Variants in GRM1 observed in about 807,000 individuals in gnomAD.
GRM1 encodes metabotropic glutamate receptor 1.
In GRM1, 33 loss-of-function variants were observed where a neutral mutation model predicts 90.9. That is an observed-to-expected ratio of 0.36 (90% CI 0.28 to 0.49). GRM1 has a LOEUF of 0.49. GRM1 is among the 20% of genes least tolerant of loss of function. The probability of loss-of-function intolerance (pLI) is 0.99; values close to 1 mark genes in which losing one functional copy is unlikely to be tolerated. For missense variants in GRM1, 1,190 were observed against 1,534.3 expected (o/e 0.78, Z 3.75); for synonymous variants, 700 against 613.2 (o/e 1.14, Z -2.09).
At chr6:146,210,186 T>C (rs1025113196) in intron 2 of GRM1, among the ~76,000 whole-genome samples, 1 of 152,156 alleles carries the variant, frequency 6.6e-6, no homozygotes, top group African/African-American at 2.4e-5. Context: ...TTGAGAAGCA[T>C]GGCCTTGAGG....
At chr6:146,147,137 T>C (rs1330691957) in intron 1 of GRM1, among the ~76,000 whole-genome samples, 2 of 152,208 alleles carry the variant, frequency 1.3e-5, no homozygotes, top group African/African-American at 4.8e-5. Flanking sequence ...TCTGGGCAGG[T>C]AGGTGTTTTT....
At chr6:146,238,430 G>T (rs1221582955) in intron 2 of GRM1, among the ~76,000 whole-genome samples, 1 of 152,126 alleles carries the variant, frequency 6.6e-6, no homozygotes, top group Non-Finnish European at 1.5e-5. Flanking sequence ...GGTAGTAGAG[G>T]AGCTGCCTCC....
intron 2 of GRM1, among the ~76,000 whole-genome samples, chr6:146,172,992 G>A (rs1039950724): frequency 6.6e-6 from 1 of 152,134 alleles, no homozygotes. Context: ...CTCTGACCCA[G>A]GAGAGTGAGC....
At chr6:146,240,875 C>G (rs546988373) in intron 2 of GRM1, among the ~76,000 whole-genome samples, 32 of 152,206 alleles carry the variant, frequency 2.1e-4, no homozygotes, top group Non-Finnish European at 2.2e-4. Flanking sequence ...CCTACTAACT[C>G]TACCATGAAT....
At chr6:146,307,982 G>A (rs975257634) in intron 3 of GRM1, among the ~76,000 whole-genome samples, 4 of 152,158 alleles carry the variant, frequency 2.6e-5, no homozygotes, top group Admixed American at 2.6e-4. Context: ...TGTTAGAAAA[G>A]CACTAACTGA....
chr6:146,340,913 T>C (rs1398535694), intron 3 of GRM1, among the ~76,000 whole-genome samples: 3 of 152,202 alleles, frequency 2.0e-5, no homozygotes, highest in Admixed American at 2.0e-4. Context: ...CCTCTTTCTG[T>C]GTTCAGTTCA....
intron 2 of GRM1, among the ~76,000 whole-genome samples, chr6:146,259,143 C>T (rs1393075848): frequency 6.6e-6 from 1 of 152,116 alleles, no homozygotes; most frequent in Non-Finnish European, 1.5e-5. Flanking sequence ...CTAGAGAACG[C>T]TTTCCCTTCC....
intron 3 of GRM1, among the ~76,000 whole-genome samples, chr6:146,344,990 T>C (rs1368647899): frequency 6.6e-6 from 1 of 152,144 alleles, no homozygotes; most frequent in African/African-American, 2.4e-5. Flanking sequence ...TTTGTATTTT[T>C]AGTAGAGACA....
intron 2 of GRM1, among the ~76,000 whole-genome samples, chr6:146,267,680 G>GTCTC (rs1781956196): frequency 1.1e-5 from 1 of 91,162 alleles, no homozygotes; most frequent in Non-Finnish European, 1.9e-5. Context: ...GGGCTGGGCT[G>GTCTC]GGCTCGGCTC....
chr6:146,264,018 A>G (rs1781787910), intron 2 of GRM1, among the ~76,000 whole-genome samples: 1 of 152,122 alleles, frequency 6.6e-6, no homozygotes, highest in South Asian at 2.1e-4. Flanking sequence ...ATCTTAATGA[A>G]AATTGTATAT....
At chr6:146,246,932 A>G (rs936809054) in intron 2 of GRM1, among the ~76,000 whole-genome samples, 2 of 152,210 alleles carry the variant, frequency 1.3e-5, no homozygotes, top group Admixed American at 1.3e-4. Flanking sequence ...TTTGGATCCA[A>G]GTTATACAAA....
intron 2 of GRM1, among the ~76,000 whole-genome samples, chr6:146,252,408 C>T (rs540767386): frequency 3.3e-5 from 5 of 152,018 alleles, no homozygotes; most frequent in South Asian, 2.1e-4. Flanking sequence ...GAGGTCAAGG[C>T]GGGTGGATCA....
At chr6:146,134,916 G>A (rs1776559482) in intron 1 of GRM1, among the ~76,000 whole-genome samples, 1 of 152,096 alleles carries the variant, frequency 6.6e-6, no homozygotes, top group African/African-American at 2.4e-5. Context: ...GGATGACAGA[G>A]CGTGACTCCG....
intron 7 of GRM1, among the ~76,000 whole-genome samples, chr6:146,429,848 T>A (rs1291851677): frequency 6.6e-6 from 1 of 152,216 alleles, no homozygotes; most frequent in East Asian, 1.9e-4. Flanking sequence ...CTCTCTTTCT[T>A]ACGCGAAGGT....
chr6:146,327,026 ACAAT>A (rs1170299025), intron 3 of GRM1, among the ~76,000 whole-genome samples: 2 of 152,230 alleles, frequency 1.3e-5, no homozygotes, highest in African/African-American at 4.8e-5. Context: ...TATATACTCC[ACAAT>A]CAGTTTCCCT....
At chr6:146,146,103 CTTTTTTTTTTTTT>C (rs35329703) in intron 1 of GRM1, among the ~76,000 whole-genome samples, 16 of 19,982 alleles carry the variant, frequency 8.0e-4, no homozygotes, top group Middle Eastern at 0.045. Flanking sequence ...ACCATTGTAT[CTTTTTTTTTTTTT>C]TTTTTTTTTT....
At chr6:146,374,264 T>C (rs185275239) in intron 5 of GRM1, among the ~76,000 whole-genome samples, 1 of 152,148 alleles carries the variant, frequency 6.6e-6, no homozygotes, top group Admixed American at 6.6e-5. Flanking sequence ...TTGAATTCTG[T>C]TTGCTACTAT....
At chr6:146,384,548 A>C (rs1368935520) in intron 5 of GRM1, among the ~76,000 whole-genome samples, 1 of 152,096 alleles carries the variant, frequency 6.6e-6, no homozygotes, top group Admixed American at 6.6e-5. Flanking sequence ...CACTCATTTT[A>C]AAAAGGAAGA....
intron 6 of GRM1, among the ~76,000 whole-genome samples, chr6:146,393,383 T>A (rs1776803325): frequency 6.6e-6 from 1 of 152,146 alleles, no homozygotes; most frequent in Non-Finnish European, 1.5e-5. Flanking sequence ...GCAGTTGTTT[T>A]ATTTTTTCTT....
Sources: gnomAD v4.1 joint callset for allele counts (sites outside exome capture counted in the v4.1 genomes callset) on GRCh38, gnomAD v4.1.1 for gene constraint, MANE v1.5 for transcripts, NCBI Gene and HGNC (gene_info 2026-07-23, HGNC 2026-07-21) for gene names.